EHBP1: variants seen among roughly 807,000 people sequenced by gnomAD.
EHBP1 encodes EH domain-binding protein 1.
Under a neutral mutation model 144.0 loss-of-function variants are expected in EHBP1, and 55 were observed. That is an observed-to-expected ratio of 0.38 (90% CI 0.31 to 0.48). The LOEUF (loss-of-function observed/expected upper bound fraction) is 0.48, where lower values mean the gene tolerates loss of function less well. Among genes scored for constraint, EHBP1 ranks in the 20% least tolerant of loss-of-function variants. The pLI, the probability that EHBP1 is intolerant of heterozygous loss-of-function variation, is 0.98. For synonymous variants in EHBP1, 469 were observed against 472.7 expected (o/e 0.99, Z 0.10); for missense variants, 1,200 against 1,364.2 (o/e 0.88, Z 1.90).
At chr2:62,731,387 C>T (rs1253145050) in intron 2 of EHBP1, among the ~76,000 whole-genome samples, 1 of 152,094 alleles carries the variant, frequency 6.6e-6, no homozygotes, top group African/African-American at 2.4e-5. Context: ...CCTTTCCAAC[C>T]TATATACCTT....
At chr2:62,993,010 G>A (rs775524169) in intron 16 of EHBP1, among the ~76,000 whole-genome samples, 8 of 152,164 alleles carry the variant, frequency 5.3e-5, no homozygotes, top group African/African-American at 9.7e-5. Flanking sequence ...TTTGTTACCA[G>A]TATTAACATA....
At chr2:62,957,190 T>G (rs982761354) in intron 14 of EHBP1, among the ~76,000 whole-genome samples, 8 of 152,158 alleles carry the variant, frequency 5.3e-5, no homozygotes, top group Non-Finnish European at 1.0e-4. Flanking sequence ...GATTGTTTAA[T>G]TTTTCAAAAC....
chr2:62,879,185 T>C (rs2051152600), intron 10 of EHBP1, among the ~76,000 whole-genome samples: 1 of 152,068 alleles, frequency 6.6e-6, no homozygotes, highest in Non-Finnish European at 1.5e-5. Flanking sequence ...GTTAACACCA[T>C]ACTGAATGGG....
At position 62,948,343 on chromosome 2, in the gene EHBP1, G is replaced by T; in HGVS notation, c.1497G>T (p.Leu499=). 6.2e-7 allele frequency: 1 copy of T among 1,612,472 alleles called. No homozygotes were observed. Among genetic ancestry groups the T allele is most frequent in the South Asian group, 1.1e-5 (1 of 90,608 alleles). ...TATTATTAGCAATTCCTGATAAACT[G>T]ACTGTTATGACTTATCTCTATCAAA... ...DMVLLAIPDK[L]TVMTYLYQIR... The change falls in exon 13 of 23, where the codon CTG becomes CTT. Residue 499 remains leucine (L), a synonymous_variant. Transcript: ENST00000431489.
intron 10 of EHBP1, among the ~76,000 whole-genome samples, chr2:62,921,761 T>C (rs2055105537): frequency 6.6e-6 from 1 of 152,234 alleles, no homozygotes; most frequent in Admixed American, 6.5e-5. Context: ...GTAAACTTAA[T>C]TACTAATTAT....
chr2:62,986,776 A>G (rs1341518807), intron 15 of EHBP1, among the ~76,000 whole-genome samples: 1 of 152,090 alleles, frequency 6.6e-6, no homozygotes, highest in Non-Finnish European at 1.5e-5. Context: ...CAAATGGTTT[A>G]CATAGTAGAT....
chr2:62,879,586 C>G (rs866105014), intron 10 of EHBP1, among the ~76,000 whole-genome samples: 4 of 147,964 alleles, frequency 2.7e-5, no homozygotes, highest in South Asian at 2.1e-4. Flanking sequence ...CACACACACA[C>G]ACACAGAGAC....
chr2:62,685,742 G>A (rs1262652866), intron 1 of EHBP1, among the ~76,000 whole-genome samples: 1 of 152,108 alleles, frequency 6.6e-6, no homozygotes, highest in Admixed American at 6.5e-5. Flanking sequence ...TTGCTCCAGT[G>A]TTAGAATGCT....
intron 5 of EHBP1, among the ~76,000 whole-genome samples, chr2:62,774,395 G>T: frequency 6.6e-6 from 1 of 150,646 alleles, no homozygotes. Flanking sequence ...AAAAAAGAGA[G>T]AAAAGAAAGG....
chr2:63,022,270 TCTC>T (rs1419336161), intron 19 of EHBP1, among the ~76,000 whole-genome samples: 2 of 151,826 alleles, frequency 1.3e-5, no homozygotes, highest in African/African-American at 4.8e-5. Flanking sequence ...CAGTTCCTCC[TCTC>T]CTCCTTCCTC....
chr2:62,698,006 T>G (rs573388247), intron 1 of EHBP1, among the ~76,000 whole-genome samples: 53 of 152,232 alleles, frequency 3.5e-4, no homozygotes, highest in Non-Finnish European at 6.5e-4. Context: ...AACAAGTTGG[T>G]CTTTTTATCA....
chr2:62,787,394 G>GCCCACCCC (rs2042884187), intron 5 of EHBP1, among the ~76,000 whole-genome samples: 1 of 70,488 alleles, frequency 1.4e-5, no homozygotes, highest in Non-Finnish European at 2.8e-5. Context: ...CTGCACCGCT[G>GCCCACCCC]CCCCCCCCCC....
chr2:63,038,040 C>G (rs1222159982), intron 20 of EHBP1, among the ~76,000 whole-genome samples: 5 of 152,022 alleles, frequency 3.3e-5, no homozygotes, highest in Admixed American at 3.3e-4. Flanking sequence ...TGATGTTACT[C>G]TAAATTTTGG....
intron 10 of EHBP1, among the ~76,000 whole-genome samples, chr2:62,922,434 T>C (rs2055162375): frequency 2.6e-5 from 4 of 152,160 alleles, no homozygotes; most frequent in Admixed American, 2.6e-4. Context: ...GATCTAATAA[T>C]TGCTGTCTAC....
At chr2:62,920,833 T>C (rs2055019057) in intron 10 of EHBP1, among the ~76,000 whole-genome samples, 1 of 151,960 alleles carries the variant, frequency 6.6e-6, no homozygotes, top group African/African-American at 2.4e-5. Flanking sequence ...TGGCTAATTT[T>C]TGTGGGGTTT....
At chr2:62,686,556 C>T (rs771687014) in intron 1 of EHBP1, among the ~76,000 whole-genome samples, 3 of 152,108 alleles carry the variant, frequency 2.0e-5, no homozygotes, top group Non-Finnish European at 2.9e-5. Flanking sequence ...AAATTATCAC[C>T]GTATTGCTCT....
chr2:62,873,091 C>T (rs1464375437), intron 9 of EHBP1, among the ~76,000 whole-genome samples: 1 of 152,086 alleles, frequency 6.6e-6, no homozygotes, highest in African/African-American at 2.4e-5. Context: ...TGAAGAGAGG[C>T]ACTCTTAACT....
At chr2:62,754,135 C>T (rs1268979010) in intron 3 of EHBP1, among the ~76,000 whole-genome samples, 3 of 152,112 alleles carry the variant, frequency 2.0e-5, no homozygotes, top group Non-Finnish European at 2.9e-5. Flanking sequence ...TATCTACCTT[C>T]GGTCTTTGAT....
In EHBP1 at chr2:62,752,062, T is replaced by C. The variant is rs920425108; in HGVS notation, c.162+4610T>C. Among the ~76,000 whole-genome samples the C allele has an allele frequency of 5.3e-5, 8 of 152,168 alleles. No homozygotes were observed. In the East Asian group the frequency reaches 5.8e-4, roughly 11 times the overall value. ...GTTTGCTCTTGCTTCTCTAGTTCTT[T>C]TAATTGTGATGTTAGGGTGTCAGTT... On this transcript the variant is annotated intron_variant, in intron 3 of 22. Transcript: ENST00000431489.
Sources: allele counts gnomAD v4.1 joint callset (sites outside exome capture counted in the v4.1 genomes callset), GRCh38; gene constraint gnomAD v4.1.1; transcripts MANE v1.5; gene names NCBI Gene and HGNC (gene_info 2026-07-23, HGNC 2026-07-21).